Variants in TTC28 observed in about 807,000 individuals in gnomAD.
TTC28 encodes the protein tetratricopeptide repeat domain 28.
In TTC28, 61 loss-of-function variants were observed where a neutral mutation model predicts 198.0. The ratio of observed to expected loss-of-function variants is 0.31; its 90% CI spans 0.25 to 0.38. The LOEUF is 0.38. Among genes scored for constraint, TTC28 ranks in the 10% least tolerant of loss-of-function variants. The probability of loss-of-function intolerance (pLI) is 1.00; values close to 1 mark genes in which losing one functional copy is unlikely to be tolerated. For synonymous variants in TTC28, 1,171 were observed against 1,297.8 expected (o/e 0.90, Z 2.10); for missense variants, 2,678 against 3,164.0 (o/e 0.85, Z 3.69).
At chr22:28,637,478 T>C (rs1300682441) in intron 1 of TTC28, among the ~76,000 whole-genome samples, 1 of 152,292 alleles carries the variant, frequency 6.6e-6, no homozygotes, top group Middle Eastern at 3.4e-3. Flanking sequence ...TATAACTATG[T>C]TTTATGTGAG....
intron 5 of TTC28, among the ~76,000 whole-genome samples, chr22:28,197,069 C>T (rs1318190320): frequency 3.9e-5 from 6 of 152,088 alleles, no homozygotes; most frequent in Non-Finnish European, 5.9e-5. Flanking sequence ...GGCACATATA[C>T]ACCATGGAAT....
intron 2 of TTC28, among the ~76,000 whole-genome samples, chr22:28,480,488 T>TA (rs1219729545): frequency 2.0e-5 from 3 of 152,130 alleles, no homozygotes; most frequent in African/African-American, 4.8e-5. Flanking sequence ...ATGCTGTTTT[T>TA]AAAAAAAGCC....
intron 2 of TTC28, among the ~76,000 whole-genome samples, chr22:28,621,742 TAAAA>T (rs771463983): frequency 1.3e-5 from 1 of 76,156 alleles, no homozygotes; most frequent in Admixed American, 1.6e-4. Context: ...GACTGTCTCT[TAAAA>T]AAAAAAAAAA....
At chr22:28,526,924 T>G (rs903648697) in intron 2 of TTC28, among the ~76,000 whole-genome samples, 1 of 151,938 alleles carries the variant, frequency 6.6e-6, no homozygotes, top group Non-Finnish European at 1.5e-5. Context: ...GCCTGGCTAA[T>G]TTTTGTATTT....
chr22:28,073,216 T>C (rs765590537), intron 12 of TTC28, among the ~76,000 whole-genome samples: 1 of 152,036 alleles, frequency 6.6e-6, no homozygotes, highest in Non-Finnish European at 1.5e-5. Flanking sequence ...TTCAAATAAA[T>C]GGGAATAAAT....
At chr22:28,621,742 T>TAAAAAA (rs771463983) in intron 2 of TTC28, among the ~76,000 whole-genome samples, 2 of 76,156 alleles carry the variant, frequency 2.6e-5, no homozygotes, top group Non-Finnish European at 5.3e-5. Context: ...GACTGTCTCT[T>TAAAAAA]AAAAAAAAAA....
At chr22:28,338,297 T>G (rs2045766665) in intron 2 of TTC28, among the ~76,000 whole-genome samples, 1 of 152,192 alleles carries the variant, frequency 6.6e-6, no homozygotes, top group Admixed American at 6.5e-5. Flanking sequence ...TCAACTTTGG[T>G]GAATCTGACA....
intron 2 of TTC28, among the ~76,000 whole-genome samples, chr22:28,363,607 C>A (rs1359148862): frequency 6.6e-6 from 1 of 152,142 alleles, no homozygotes; most frequent in African/African-American, 2.4e-5. Flanking sequence ...TTGCACCATG[C>A]ACCTGGAAAA....
chr22:28,609,578 A>G (rs2050785881), intron 2 of TTC28, among the ~76,000 whole-genome samples: 1 of 152,170 alleles, frequency 6.6e-6, no homozygotes, highest in African/African-American at 2.4e-5. Context: ...TTTGCAACCC[A>G]CAGACTGGGA....
At position 28,337,434 on chromosome 22, in the gene TTC28, G is replaced by A. The variant is rs552239542; in HGVS notation, c.382-30791C>T. ...CTCGTTGATCTGTCTAATGTTGACA[G>A]TGGGGTGTTAAAATCTCCCATTATT... On this transcript the variant is annotated intron_variant, in intron 2 of 22. Coordinates refer to ENST00000397906, the MANE Select transcript of TTC28 (RefSeq NM_001145418.2). 2.6e-5 allele frequency among the ~76,000 whole-genome samples: 4 copies of A among 152,302 alleles called. No homozygotes were observed. The South Asian group carries it at 8.3e-4, about 32-fold the overall frequency.
At chr22:28,444,253 G>T (rs1415642283) in intron 2 of TTC28, among the ~76,000 whole-genome samples, 1 of 152,168 alleles carries the variant, frequency 6.6e-6, no homozygotes, top group Non-Finnish European at 1.5e-5. Flanking sequence ...AATACCAACT[G>T]ATATGCATAA....
At chr22:27,998,196 A>C in intron 16 of TTC28, 1 of 336,202 alleles carries the variant, frequency 3.0e-6, no homozygotes. Context: ...CATGGAGTAG[A>C]TCCATCCTAA....
chr22:28,293,850 C>CAA (rs2044837781), intron 5 of TTC28, among the ~76,000 whole-genome samples: 2 of 152,080 alleles, frequency 1.3e-5, no homozygotes, highest in African/African-American at 4.8e-5. Context: ...TGAGCAACAT[C>CAA]AAGCAGGAGC....
chr22:28,618,850 A>G (rs1461024363), intron 2 of TTC28, among the ~76,000 whole-genome samples: 1 of 152,152 alleles, frequency 6.6e-6, no homozygotes, highest in Non-Finnish European at 1.5e-5. Flanking sequence ...ATGTTTTTGA[A>G]TTGAAATAAA....
At chr22:28,098,795 G>A in intron 10 of TTC28, 120 bp downstream of exon 10, 1 of 1,285,150 alleles carries the variant, frequency 7.8e-7, no homozygotes, top group African/African-American at 1.5e-5. Context: ...TGGCTTCACA[G>A]TCTGTTGTCA....
At chr22:28,296,123 G>C (rs2044889503) in intron 5 of TTC28, 75 bp downstream of exon 5, 3 of 1,427,174 alleles carry the variant, frequency 2.1e-6, no homozygotes, top group South Asian at 2.9e-5. Flanking sequence ...GAAACAGTTT[G>C]TTTTTAACAG....
At chr22:28,168,763 C>T (rs1399832697) in intron 5 of TTC28, among the ~76,000 whole-genome samples, 2 of 152,170 alleles carry the variant, frequency 1.3e-5, no homozygotes, top group African/African-American at 4.8e-5. Flanking sequence ...TAGGCATGGC[C>T]AAGGACTTCG....
Position 28,629,776 on chromosome 22 carries a change from G to T in TTC28, c.157C>A (p.Leu53Met), listed in dbSNP as rs779104194. The T allele has an allele frequency of 8.3e-5, 129 of 1,551,612 alleles. No homozygotes were observed. In the African/African-American group the frequency reaches 1.6e-3, roughly 20 times the overall value. ...TTCTCAACAAATTCAGCTTTGCTCAGTACCGGTCCATCAGGACTTCTCTGG... is the reference window on the plus strand; with the variant it reads ...TTCTCAACAAATTCAGCTTTGCTCATTACCGGTCCATCAGGACTTCTCTGG... ...IGQRSPDGPV[L>M]SKAEFVEKVR... Residue 53 changes from leucine (L) to methionine (M), a missense_variant, in exon 2 of 23, where the codon CTG (leucine) becomes ATG (methionine). Coordinates refer to ENST00000397906, the MANE Select transcript of TTC28 (RefSeq NM_001145418.2).
chr22:28,002,096 G>T (rs890853665), intron 14 of TTC28: 2 of 157,660 alleles, frequency 1.3e-5, no homozygotes, highest in African/African-American at 2.4e-5. Context: ...TTCCCTCTGG[G>T]GATGTCAGGG....
Sources: allele counts gnomAD v4.1 joint callset (sites outside exome capture counted in the v4.1 genomes callset), GRCh38; gene constraint gnomAD v4.1.1; transcripts MANE v1.5; gene names NCBI Gene and HGNC (gene_info 2026-07-23, HGNC 2026-07-21).